TMOD1: variants seen among roughly 807,000 people sequenced by gnomAD.
TMOD1 encodes the protein tropomodulin-1.
A neutral mutation model predicts 40.6 loss-of-function variants in TMOD1; 17 were observed. The ratio of observed to expected loss-of-function variants is 0.42; its 90% CI spans 0.29 to 0.63. The LOEUF (loss-of-function observed/expected upper bound fraction) is 0.63, where lower values mean the gene tolerates loss of function less well. Among genes scored for constraint, TMOD1 ranks in the 20% least tolerant of loss-of-function variants. The pLI is 0.22. For synonymous variants in TMOD1, 181 were observed against 175.0 expected (o/e 1.03, Z -0.27); for missense variants, 391 against 447.6 (o/e 0.87, Z 1.14).
chr9:97,570,677 A>G (rs755609163), intron 8 of TMOD1, among the ~76,000 whole-genome samples: 24 of 152,246 alleles, frequency 1.6e-4, no homozygotes, highest in Middle Eastern at 6.8e-3. Context: ...AGCTGGTGCT[A>G]TGTCTGAGGC....
intron 2 of TMOD1, among the ~76,000 whole-genome samples, chr9:97,544,993 A>G (rs1830338649): frequency 1.3e-5 from 2 of 149,310 alleles, no homozygotes; most frequent in East Asian, 3.9e-4. Context: ...TGGGTGCAAC[A>G]GAGCGAGAGT....
In TMOD1 at chr9:97,568,964, G is replaced by T; in HGVS notation, c.797G>T (p.Gly266Val). The change falls in exon 8 of 10, where the codon GGA becomes GTA. Residue 266 changes from glycine to valine, a missense_variant. Coordinates refer to ENST00000259365, the MANE Select transcript of TMOD1 (RefSeq NM_003275.4). ...AATGTGGAATCCAACTTCATTTCTG[G>T]AGCTGGGATTCTGCGCCTGGTAGAA... ...TLNVESNFIS[G>V]AGILRLVEAL... is the part of the protein sequence containing the mutation. The T allele has an allele frequency of 6.2e-7, 1 of 1,614,180 alleles. No individual in the cohort carries two copies. The highest frequency in any genetic ancestry group is 8.5e-7 in the Non-Finnish European group (1 of 1,180,024).
At chr9:97,568,871 C>G in intron 7 of TMOD1, 23 bp from the exon 8 acceptor site, 1 of 1,611,964 alleles carries the variant, frequency 6.2e-7, no homozygotes, top group Non-Finnish European at 8.5e-7. Flanking sequence ...CATGGGTATC[C>G]TTGCTTTCTC....
At chr9:97,562,078 AGTGCTGGG>A (rs1830649728) in intron 4 of TMOD1, among the ~76,000 whole-genome samples, 1 of 152,162 alleles carries the variant, frequency 6.6e-6, no homozygotes, top group Non-Finnish European at 1.5e-5. Context: ...CCTAGCACAC[AGTGCTGGG>A]GTGGGCCTCA....
intron 8 of TMOD1, among the ~76,000 whole-genome samples, chr9:97,583,963 C>T (rs2131284826): frequency 6.6e-6 from 1 of 152,134 alleles, no homozygotes; most frequent in Admixed American, 6.5e-5. Flanking sequence ...CTCCTGGATT[C>T]ATTAATTTTT....
At chr9:97,520,915 T>C (rs1470581490) in intron 1 of TMOD1, among the ~76,000 whole-genome samples, 1 of 152,218 alleles carries the variant, frequency 6.6e-6, no homozygotes, top group African/African-American at 2.4e-5. Context: ...GATAAAGGAT[T>C]TCTTTCTCCC....
chr9:97,592,006 CATT>C (rs755762078), intron 9 of TMOD1, among the ~76,000 whole-genome samples: 3 of 151,806 alleles, frequency 2.0e-5, no homozygotes, highest in South Asian at 2.1e-4. Context: ...ATGAAGGAGA[CATT>C]ATCAGGAAAT....
At chr9:97,594,764 C>T (rs1826071271) in intron 9 of TMOD1, among the ~76,000 whole-genome samples, 4 of 152,172 alleles carry the variant, frequency 2.6e-5, no homozygotes, top group Non-Finnish European at 2.9e-5. Context: ...AGGGAGGAGC[C>T]GAGCTGTGGA....
intron 9 of TMOD1, among the ~76,000 whole-genome samples, chr9:97,592,315 AT>A (rs1374365246): frequency 6.6e-6 from 1 of 152,206 alleles, no homozygotes; most frequent in Non-Finnish European, 1.5e-5. Flanking sequence ...GGTCTATATC[AT>A]TAACATGAAT....
chr9:97,567,186 TCCATGGTTCCTTGC>T (rs757080658), intron 7 of TMOD1, among the ~76,000 whole-genome samples: 3 of 152,216 alleles, frequency 2.0e-5, no homozygotes, highest in Non-Finnish European at 4.4e-5. Flanking sequence ...ACCTCAGATC[TCCATGGTTCCTTGC>T]CCATAGGAAC....
chr9:97,576,754 C>T (rs1222047298), intron 8 of TMOD1, among the ~76,000 whole-genome samples: 1 of 152,094 alleles, frequency 6.6e-6, no homozygotes, highest in African/African-American at 2.4e-5. Flanking sequence ...CTACCTCAGC[C>T]TCCCGAGTAG....
At chr9:97,533,176 G>A (rs1830128637) in intron 2 of TMOD1, among the ~76,000 whole-genome samples, 1 of 152,226 alleles carries the variant, frequency 6.6e-6, no homozygotes, top group Non-Finnish European at 1.5e-5. Flanking sequence ...CCAACCAAGT[G>A]TTAGCTTTTA....
intron 1 of TMOD1, among the ~76,000 whole-genome samples, chr9:97,515,727 T>C (rs781498764): frequency 1.3e-5 from 2 of 152,118 alleles, no homozygotes; most frequent in African/African-American, 2.4e-5. Flanking sequence ...TCAGCTATTT[T>C]ACACAGGGGA....
intron 9 of TMOD1, among the ~76,000 whole-genome samples, chr9:97,597,696 CAA>C (rs56273168): frequency 1.4e-5 from 1 of 70,018 alleles, no homozygotes; most frequent in African/African-American, 6.7e-5. Flanking sequence ...GACTCCGTCT[CAA>C]AAAAAAAAAA....
intron 1 of TMOD1, among the ~76,000 whole-genome samples, chr9:97,522,676 C>T (rs148831111): frequency 0.016 from 2,378 of 152,248 alleles, 31 homozygotes; most frequent in Middle Eastern, 0.024. Flanking sequence ...ATCCTCCCAC[C>T]TCAGCCTTCT....
chr9:97,564,129 C>T lies in TMOD1; in HGVS notation c.579C>T (p.Asn193=), dbSNP rs376066103. Residue 193 remains asparagine (N), a synonymous_variant, in exon 6 of 10, where the codon AAC becomes AAT. Transcript: ENST00000259365. Reference sequence around the variant, plus strand: ...AAACGCTGGAACGGATAAAGAACAACGACCCAAAACTTGAAGAAGTTAACC... The same window carrying T: ...AAACGCTGGAACGGATAAAGAACAATGACCCAAAACTTGAAGAAGTTAACC... ...VEETLERIKN[N]DPKLEEVNLN... The T allele has an allele frequency of 6.9e-5, 111 of 1,612,818 alleles. No homozygotes were observed. The highest frequency in any genetic ancestry group is 6.6e-4 in the Middle Eastern group (4 of 6,080).
At chr9:97,566,006 AG>A (rs1460063402) in intron 7 of TMOD1, 51 bp downstream of exon 7, 4 of 1,523,026 alleles carry the variant, frequency 2.6e-6, no homozygotes, top group Admixed American at 1.7e-5. Context: ...TTGAAACAGA[AG>A]GGTTGAAATA....
intron 5 of TMOD1, among the ~76,000 whole-genome samples, chr9:97,563,806 A>G (rs1391418795): frequency 1.3e-5 from 2 of 152,154 alleles, no homozygotes; most frequent in Admixed American, 1.3e-4. Context: ...AGTTTAAGTA[A>G]TTCACCCAGT....
chr9:97,528,445 A>G (rs1446368798), intron 2 of TMOD1, among the ~76,000 whole-genome samples: 12 of 152,336 alleles, frequency 7.9e-5, no homozygotes, highest in Non-Finnish European at 1.5e-5. Context: ...AGAAAAGAGA[A>G]GAGAAACCAG....
Sources: gnomAD v4.1 joint callset for allele counts (sites outside exome capture counted in the v4.1 genomes callset) on GRCh38, gnomAD v4.1.1 for gene constraint, MANE v1.5 for transcripts, NCBI Gene and HGNC (gene_info 2026-07-23, HGNC 2026-07-21) for gene names.